The following BMP8B variants were observed in gnomAD, a reference collection of about 807,000 sequenced individuals.
The protein encoded by BMP8B is bone morphogenetic protein 8 (osteogenic protein 2).
BMP8B carries 17 observed loss-of-function variants against 30.3 expected under a neutral mutation model. The ratio of observed to expected loss-of-function variants is 0.56; its 90% CI spans 0.38 to 0.84. The LOEUF (loss-of-function observed/expected upper bound fraction) is 0.84. Ranked by LOEUF, BMP8B falls within the 40% of genes least tolerant of loss-of-function variation. The pLI is 0.00. For missense variants in BMP8B, 253 were observed against 494.6 expected, an observed-to-expected ratio of 0.51 and a Z score of 4.63; for synonymous variants, 131 against 214.7, an observed-to-expected ratio of 0.61 and a Z score of 3.41.
chr1:39,784,000 T>C (rs1650821678), intron 1 of BMP8B, among the ~76,000 whole-genome samples: 1 of 152,200 alleles, frequency 6.6e-6, no homozygotes, highest in South Asian at 2.1e-4. Context: ...ACACACTGCA[T>C]TTAACGGTGG....
At chr1:39,776,754 C>A (rs971962830) in intron 1 of BMP8B, among the ~76,000 whole-genome samples, 1 of 152,200 alleles carries the variant, frequency 6.6e-6, no homozygotes, top group Non-Finnish European at 1.5e-5. Context: ...TAAATGTATT[C>A]TTTCACTCAT....
At chr1:39,761,620 TCCCACTCACTGCA>T (rs1294181761) in intron 6 of BMP8B, among the ~76,000 whole-genome samples, 1 of 151,810 alleles carries the variant, frequency 6.6e-6, no homozygotes, top group East Asian at 1.9e-4. Context: ...TCCGCCCTCC[TCCCACTCACTGCA>T]CCCAGCCCCT....
chr1:39,760,709 T>G, intron 6 of BMP8B, 141 bp from the exon 7 acceptor site: 1 of 1,182,302 alleles, frequency 8.5e-7, no homozygotes, highest in Non-Finnish European at 1.2e-6. Context: ...TAATAACTAT[T>G]AACAGGAATA....
chr1:39,779,211 C>T (rs921252289), intron 1 of BMP8B, among the ~76,000 whole-genome samples: 1 of 152,198 alleles, frequency 6.6e-6, no homozygotes, highest in Non-Finnish European at 1.5e-5. Context: ...CCTGTGGGGA[C>T]TTGGGGTTCC....
chr1:39,780,602 A>G (rs752534008), intron 1 of BMP8B, among the ~76,000 whole-genome samples: 5 of 152,214 alleles, frequency 3.3e-5, no homozygotes, highest in Non-Finnish European at 7.3e-5. Flanking sequence ...TTTCAAAAAC[A>G]TGCAAGAGGC....
intron 3 of BMP8B, among the ~76,000 whole-genome samples, chr1:39,765,377 CA>C (rs575399129): frequency 0.03 from 3,310 of 110,816 alleles, 9 homozygotes; most frequent in Middle Eastern, 0.046. Context: ...AGCCCAAGAG[CA>C]GGGCATTAAC....
chr1:39,779,513 G>A (rs536408753), intron 1 of BMP8B, among the ~76,000 whole-genome samples: 3 of 152,224 alleles, frequency 2.0e-5, no homozygotes, highest in African/African-American at 7.2e-5. Context: ...GACAGAAAGC[G>A]ACTGGAATCC....
intron 1 of BMP8B, among the ~76,000 whole-genome samples, chr1:39,786,166 A>C (rs1163676572): frequency 6.6e-6 from 1 of 152,260 alleles, no homozygotes; most frequent in Non-Finnish European, 1.5e-5. Flanking sequence ...AGGAATTGTA[A>C]GGCTGTGAAA....
chr1:39,769,166 G>C (rs530593056), intron 3 of BMP8B, among the ~76,000 whole-genome samples: 2 of 150,414 alleles, frequency 1.3e-5, no homozygotes, highest in Non-Finnish European at 3.0e-5. Context: ...CAGCCTGAGC[G>C]ACAGAGCCAG....
At chr1:39,775,824 A>G (rs1650185274) in intron 1 of BMP8B, among the ~76,000 whole-genome samples, 1 of 152,064 alleles carries the variant, frequency 6.6e-6, no homozygotes, top group African/African-American at 2.4e-5. Context: ...GAGGCCAGTC[A>G]GGTGCTGGGG....
chr1:39,771,405 C>A, intron 3 of BMP8B: 2 of 815,802 alleles, frequency 2.5e-6, no homozygotes, highest in Non-Finnish European at 1.7e-6. Flanking sequence ...GCTAGGCCCG[C>A]GACCCGCAAC....
chr1:39,778,299 G>A (rs1239891868), intron 1 of BMP8B, among the ~76,000 whole-genome samples: 3 of 151,622 alleles, frequency 2.0e-5, no homozygotes, highest in Admixed American at 6.6e-5. Flanking sequence ...CTCCTCTCCC[G>A]GCCTGGCCCC....
intron 3 of BMP8B, among the ~76,000 whole-genome samples, chr1:39,766,046 AC>A (rs1250580590): frequency 6.6e-6 from 1 of 151,940 alleles, no homozygotes; most frequent in Non-Finnish European, 1.5e-5. Context: ...GAAAAAAAAA[AC>A]AAAACACAAA....
Position 39,771,262 on chromosome 1 carries a change from C to T in BMP8B, c.673+3046G>A, listed in dbSNP as rs781530580. 1.7e-5 allele frequency: 26 copies of T among 1,512,352 alleles called. No individual in the cohort carries two copies. In the South Asian group the frequency reaches 3.4e-4, roughly 20 times the overall value. 93.7% of individuals were successfully genotyped at this position (1,512,352 alleles called of 1,614,324 possible). On this transcript the variant is annotated intron_variant, in intron 3 of 6. Coordinates refer to ENST00000372827, the MANE Select transcript of BMP8B (RefSeq NM_001720.5). ...GGAGCCGCAGCGCCGCCATAGTCGGCCCGGGTCGGAGGCCAGGACAGGTGG... is the reference window on the plus strand; with the variant it reads ...GGAGCCGCAGCGCCGCCATAGTCGGTCCGGGTCGGAGGCCAGGACAGGTGG...
Position 39,759,514 on chromosome 1 carries a change from A to G in BMP8B, c.*905T>C, listed in dbSNP as rs1429715771. ...CTCAGATTTGGAAGAAAAACATTCC[A>G]GATTGATTACTGATGTCTGCCATTC... is the stretch of plus-strand genomic sequence containing the variant. On this transcript the variant is annotated 3_prime_UTR_variant, in exon 7 of 7. Transcript: ENST00000372827. 1.1e-4 allele frequency: 17 copies of G among 152,294 alleles called. No individual in the cohort carries two copies. The highest frequency in any genetic ancestry group is 1.1e-3 in the Admixed American group (17 of 15,294). 9.4% of individuals were successfully genotyped at this position (152,294 alleles called of 1,614,324 possible). A position where few individuals can be genotyped will look rare whatever the true frequency, so the allele number is the denominator to read the frequency against.
Position 39,771,843 on chromosome 1 carries a change from GC to G in BMP8B, c.673+2464del, listed in dbSNP as rs764434649. On this transcript the variant is annotated intron_variant, in intron 3 of 6. Transcript: ENST00000372827. ...CAGGAAGGGTCCCTGCTCTGAAGAG[GC>G]CCCCCGTCTTGTCCTCTGCATCCCC... 8.5e-4 allele frequency among the ~76,000 whole-genome samples: 120 copies of G among 141,714 alleles called. 1 individual carries two copies. The highest frequency in any genetic ancestry group is 1.6e-3 in the Non-Finnish European group (102 of 64,364). The allele number at this position is 141,714 out of a possible 152,430, so 93.0% of individuals were successfully genotyped here.
rs771222010 is a variant in BMP8B at position 39,770,249 on chromosome 1, A to G, written c.673+4059T>C. 7.2e-6 allele frequency: 11 copies of G among 1,522,488 alleles called. No individual in the cohort carries two copies. The East Asian group carries it at 2.3e-4, about 32-fold the overall frequency. The allele number at this position is 1,522,488 out of a possible 1,614,324, so 94.3% of individuals were successfully genotyped here. A position where few individuals can be genotyped will look rare whatever the true frequency, so the allele number is the denominator to read the frequency against. ...GATCCCGTTCTCACTGTGAAGATGG[A>G]CAGTCATGCTGGGACTGATGAAGTT... On this transcript the variant is annotated intron_variant, in intron 3 of 6. Coordinates refer to ENST00000372827, the MANE Select transcript of BMP8B (RefSeq NM_001720.5).
chr1:39,760,159 G>C lies in BMP8B; in HGVS notation c.*260C>G. 1.7e-6 allele frequency: 1 copy of C among 578,588 alleles called. No homozygotes were observed. Among genetic ancestry groups the C allele is most frequent in the Non-Finnish European group, 3.0e-6 (1 of 338,162 alleles). The allele number at this position is 578,588 out of a possible 1,614,324, so 35.8% of individuals were successfully genotyped here. ...AGAACCAGCCAGGACATGCCTCCGG[G>C]AGAGGCGTTTGCATTTGGGTAGAAC... On this transcript the variant is annotated 3_prime_UTR_variant, in exon 7 of 7. Transcript: ENST00000372827.
chr1:39,786,293 C>T (rs1229109645), intron 1 of BMP8B, among the ~76,000 whole-genome samples: 4 of 152,200 alleles, frequency 2.6e-5, no homozygotes, highest in Non-Finnish European at 4.4e-5. Flanking sequence ...CTGTCACCTC[C>T]GAACTAGGCC....
Sources: allele counts gnomAD v4.1 joint callset (sites outside exome capture counted in the v4.1 genomes callset), GRCh38; gene constraint gnomAD v4.1.1; transcripts MANE v1.5; gene names NCBI Gene and HGNC (gene_info 2026-07-23, HGNC 2026-07-21).